Variants in FGF1 observed in about 807,000 individuals in gnomAD.
The protein encoded by FGF1 is beta-endothelial cell growth factor.
A neutral mutation model predicts 13.4 loss-of-function variants in FGF1; 9 were observed. That is an observed-to-expected ratio of 0.67 (90% CI 0.40 to 1.17). FGF1 has a LOEUF of 1.17. Ranked by LOEUF, FGF1 falls within the 50% of genes most tolerant of loss-of-function variation. FGF1 has a pLI of 0.01. For missense variants in FGF1, 156 were observed against 192.7 expected (o/e 0.81, Z 1.13); for synonymous variants, 93 against 79.0 (o/e 1.18, Z -0.94).
intron 2 of FGF1, among the ~76,000 whole-genome samples, chr5:142,601,318 T>C (rs1305220352): frequency 6.6e-6 from 1 of 152,204 alleles, no homozygotes; most frequent in Non-Finnish European, 1.5e-5. Context: ...ATCGTTATTT[T>C]ATAAAATCTG....
intron 2 of FGF1, among the ~76,000 whole-genome samples, chr5:142,609,246 G>A (rs1044734453): frequency 2.6e-5 from 4 of 152,168 alleles, no homozygotes; most frequent in Admixed American, 2.6e-4. Flanking sequence ...TGATTGGCAC[G>A]CACTTTGCTT....
chr5:142,601,455 C>G (rs1756545524), intron 2 of FGF1, among the ~76,000 whole-genome samples: 2 of 152,158 alleles, frequency 1.3e-5, no homozygotes, highest in South Asian at 2.1e-4. Context: ...GGCAACCCAC[C>G]TGGGGTAGAG....
At chr5:142,611,114 TC>T (rs1758950652) in intron 2 of FGF1, among the ~76,000 whole-genome samples, 1 of 152,188 alleles carries the variant, frequency 6.6e-6, no homozygotes, top group Non-Finnish European at 1.5e-5. Context: ...GATCAAGGAA[TC>T]AAAAATATCT....
rs542303139 is a variant in FGF1, at chr5:142,637,134, G to A, written c.-34-22973C>T. On this transcript the variant is annotated intron_variant, in intron 1 of 3. Transcript: ENST00000337706. Reference sequence around the variant, plus strand: ...GACACCTTGAGTATGTCAGCCCAGCGGCCCTCTCTGGGAGAGACAGTGGCA... The same window carrying A: ...GACACCTTGAGTATGTCAGCCCAGCAGCCCTCTCTGGGAGAGACAGTGGCA... Among the ~76,000 whole-genome samples the A allele has an allele frequency of 5.9e-5, 9 of 151,962 alleles. No individual in the cohort carries two copies. In the South Asian group the frequency reaches 1.7e-3, roughly 28 times the overall value.
intron 2 of FGF1, among the ~76,000 whole-genome samples, chr5:142,692,685 GCA>G (rs34754711): frequency 0.034 from 4,976 of 145,034 alleles, 284 homozygotes; most frequent in African/African-American, 0.12. Flanking sequence ...ACGCACACAC[GCA>G]CACACACACA....
At chr5:142,694,717 G>A (rs1752830307) in intron 2 of FGF1, among the ~76,000 whole-genome samples, 1 of 152,124 alleles carries the variant, frequency 6.6e-6, no homozygotes, top group Non-Finnish European at 1.5e-5. Flanking sequence ...AAATTCTAAA[G>A]CCTACCCTCT....
At chr5:142,693,282 T>A (rs1477823837) in intron 2 of FGF1, among the ~76,000 whole-genome samples, 2 of 152,008 alleles carry the variant, frequency 1.3e-5, no homozygotes, top group African/African-American at 2.4e-5. Flanking sequence ...GTTTTTTAAA[T>A]TATTTATTTT....
At chr5:142,646,123 A>G (rs1158350801) in intron 1 of FGF1, among the ~76,000 whole-genome samples, 2 of 143,660 alleles carry the variant, frequency 1.4e-5, no homozygotes, top group African/African-American at 5.1e-5. Context: ...GTTAGCCAGG[A>G]TGGTCTCGAT....
chr5:142,649,412 G>A (rs1029747412), intron 1 of FGF1, among the ~76,000 whole-genome samples: 1 of 145,926 alleles, frequency 6.9e-6, no homozygotes, highest in Non-Finnish European at 1.5e-5. Context: ...GGTGGACATT[G>A]TTTTTTTTTT....
At chr5:142,666,440 G>T (rs1770380229) in intron 1 of FGF1, among the ~76,000 whole-genome samples, 1 of 152,164 alleles carries the variant, frequency 6.6e-6, no homozygotes, top group Non-Finnish European at 1.5e-5. Context: ...GTGTCGTTGA[G>T]TCAGAGTCTA....
At chr5:142,648,738 G>C (rs1766669843) in intron 1 of FGF1, among the ~76,000 whole-genome samples, 1 of 150,378 alleles carries the variant, frequency 6.6e-6, no homozygotes, top group Non-Finnish European at 1.5e-5. Flanking sequence ...AGGAGGAATG[G>C]AGAGAAGCTT....
intron 1 of FGF1, among the ~76,000 whole-genome samples, chr5:142,661,721 A>C (rs998545148): frequency 6.6e-6 from 1 of 152,172 alleles, no homozygotes; most frequent in African/African-American, 2.4e-5. Context: ...ACAAAAGACC[A>C]CATATTGGCC....
At chr5:142,599,057 C>A (rs1561509712) in intron 3 of FGF1, among the ~76,000 whole-genome samples, 1 of 152,162 alleles carries the variant, frequency 6.6e-6, no homozygotes, top group Non-Finnish European at 1.5e-5. Flanking sequence ...GTGTGTTGCA[C>A]CACTGAACCC....
At chr5:142,677,595 G>T (rs78034430) in intron 1 of FGF1, among the ~76,000 whole-genome samples, 6,287 of 152,288 alleles carry the variant, frequency 0.041, 159 homozygotes, top group South Asian at 0.062. Flanking sequence ...TGATGCAAAA[G>T]TCTCAGCTTT....
chr5:142,675,351 G>T (rs1207406239), intron 1 of FGF1, among the ~76,000 whole-genome samples: 1 of 152,078 alleles, frequency 6.6e-6, no homozygotes, highest in Non-Finnish European at 1.5e-5. Context: ...GGGAGTGTGG[G>T]GGCTGCCAGC....
intron 3 of FGF1, among the ~76,000 whole-genome samples, chr5:142,597,708 G>A (rs1490775423): frequency 6.6e-6 from 1 of 152,160 alleles, no homozygotes; most frequent in East Asian, 1.9e-4. Flanking sequence ...GTGATTCCCT[G>A]TCTGGCGGTT....
chr5:142,640,430 G>GGGT (rs1554084950), intron 1 of FGF1, among the ~76,000 whole-genome samples: 1 of 150,250 alleles, frequency 6.7e-6, no homozygotes, highest in East Asian at 2.0e-4. Context: ...GTATGGTGGG[G>GGGT]GGGGGGGTCT....
chr5:142,690,693 C>T (rs1250332895), upstream of FGF1, among the ~76,000 whole-genome samples: 1 of 152,220 alleles, frequency 6.6e-6, no homozygotes, highest in Non-Finnish European at 1.5e-5. Flanking sequence ...CCCTAACCCT[C>T]TACAGTTCAT....
chr5:142,635,634 T>C (rs1037753779), intron 1 of FGF1, among the ~76,000 whole-genome samples: 2 of 152,232 alleles, frequency 1.3e-5, no homozygotes, highest in African/African-American at 2.4e-5. Flanking sequence ...GCACAGGACA[T>C]ACCATGGCAC....
Sources: allele counts gnomAD v4.1 joint callset (sites outside exome capture counted in the v4.1 genomes callset), GRCh38; gene constraint gnomAD v4.1.1; transcripts MANE v1.5; gene names NCBI Gene and HGNC (gene_info 2026-07-23, HGNC 2026-07-21).